The following ABHD2 variants were observed in gnomAD, a reference collection of about 807,000 sequenced individuals.
The protein encoded by ABHD2 is abhydrolase domain containing 2, acylglycerol lipase, also known as monoacylglycerol lipase ABHD2.
A neutral mutation model predicts 48.1 loss-of-function variants in ABHD2; 20 were observed. That is an observed-to-expected ratio of 0.42 (90% CI 0.29 to 0.60). ABHD2 has a LOEUF of 0.60. Ranked by LOEUF, ABHD2 falls within the 20% of genes least tolerant of loss-of-function variation. The pLI is 0.24. For missense variants in ABHD2, 405 were observed against 550.9 expected (o/e 0.74, Z 2.65); for synonymous variants, 209 against 214.2 (o/e 0.98, Z 0.21).
intron 5 of ABHD2, among the ~76,000 whole-genome samples, chr15:89,161,968 GC>G (rs1409888195): frequency 5.9e-5 from 9 of 152,126 alleles, no homozygotes; most frequent in African/African-American, 2.2e-4. Context: ...CTGTTTTCTT[GC>G]TGTGGATTCA....
chr15:89,127,855 C>T (rs1289890268), intron 3 of ABHD2, among the ~76,000 whole-genome samples: 4 of 151,950 alleles, frequency 2.6e-5, no homozygotes, highest in Admixed American at 2.0e-4. Flanking sequence ...CTTTTTCTCA[C>T]ATTTCCACCT....
At chr15:89,130,410 G>T (rs1280234969) in intron 3 of ABHD2, among the ~76,000 whole-genome samples, 1 of 152,158 alleles carries the variant, frequency 6.6e-6, no homozygotes, top group Non-Finnish European at 1.5e-5. Flanking sequence ...GGCTGCTACC[G>T]GAAATGGCAC....
chr15:89,147,528 T>A (rs2050514528), intron 3 of ABHD2, among the ~76,000 whole-genome samples: 1 of 151,372 alleles, frequency 6.6e-6, no homozygotes, highest in Non-Finnish European at 1.5e-5. Flanking sequence ...TAATTTTTTG[T>A]ATTTTCAGTA....
intron 3 of ABHD2, among the ~76,000 whole-genome samples, chr15:89,129,383 C>G (rs1193663299): frequency 2.6e-5 from 4 of 152,106 alleles, no homozygotes; most frequent in Non-Finnish European, 1.5e-5. Flanking sequence ...AGAATGAGGG[C>G]TGACCAAAGG....
chr15:89,158,056 T>G (rs2050703005), intron 5 of ABHD2, among the ~76,000 whole-genome samples: 1 of 152,034 alleles, frequency 6.6e-6, no homozygotes, highest in Admixed American at 6.5e-5. Flanking sequence ...AGGCATGGCT[T>G]GGCTGCAGGG....
At chr15:89,041,689 G>A in the ABHD2 span, among the ~76,000 whole-genome samples, 1 of 152,354 alleles carries the variant, frequency 6.6e-6, no homozygotes, top group East Asian at 1.9e-4. Flanking sequence ...GCAGAGTTGA[G>A]GCAAGGCGCA....
chr15:89,145,783 G>C (rs569474320), intron 3 of ABHD2, among the ~76,000 whole-genome samples: 1 of 152,258 alleles, frequency 6.6e-6, no homozygotes, highest in African/African-American at 2.4e-5. Context: ...AGTAGGGTGG[G>C]GGGACACTGG....
chr15:89,074,328 A>G, the ABHD2 span, among the ~76,000 whole-genome samples: 19 of 152,106 alleles, frequency 1.2e-4, no homozygotes, highest in East Asian at 1.7e-3. Context: ...GTGAGCAGAG[A>G]TCATGACACT....
rs986426857 is a variant in ABHD2 at position 89,120,442 on chromosome 15, G to T, written c.194+3921G>T. ...CATATTCATTTTTTTAAATGGAAAA[G>T]GTAGAGCACACAAAAATTATCTATA... On this transcript the variant is annotated intron_variant, in intron 3 of 10. Coordinates refer to ENST00000352732, the MANE Select transcript of ABHD2 (RefSeq NM_152924.5). This position sits in a 1 kb window ranked among gnomAD's most constrained non-coding sequence, Gnocchi z 4.2. Among the ~76,000 whole-genome samples the T allele has an allele frequency of 6.6e-6, 1 of 151,942 alleles. No individual in the cohort carries two copies. The highest frequency in any genetic ancestry group is 1.5e-5 in the Non-Finnish European group (1 of 67,988).
At chr15:89,118,249 T>C (rs1220257186) in intron 3 of ABHD2, among the ~76,000 whole-genome samples, 1 of 152,108 alleles carries the variant, frequency 6.6e-6, no homozygotes, top group Non-Finnish European at 1.5e-5. Flanking sequence ...AGTAGCATGA[T>C]CTCAGCTCAC....
At chr15:89,059,285 A>G in the ABHD2 span, among the ~76,000 whole-genome samples, 7 of 152,262 alleles carry the variant, frequency 4.6e-5, no homozygotes, top group African/African-American at 1.7e-4. Context: ...ACCCACTCAC[A>G]TCCTCACAAA....
chr15:89,090,079 G>A (rs1901533568), intron 1 of ABHD2, among the ~76,000 whole-genome samples: 1 of 152,102 alleles, frequency 6.6e-6, no homozygotes, highest in South Asian at 2.1e-4. Flanking sequence ...TTTAGATCTA[G>A]CCAGTGCATG....
chr15:89,150,836 A>G (rs2050578727), intron 3 of ABHD2, among the ~76,000 whole-genome samples: 1 of 152,266 alleles, frequency 6.6e-6, no homozygotes, highest in Non-Finnish European at 1.5e-5. Context: ...AGCTTGGGCT[A>G]AAAGCCATGG....
chr15:89,066,695 C>T, the ABHD2 span, among the ~76,000 whole-genome samples: 1 of 152,148 alleles, frequency 6.6e-6, no homozygotes, highest in African/African-American at 2.4e-5. Context: ...GGTCTTAAGC[C>T]ACAGCAGGAG....
Position 89,091,842 on chromosome 15 carries a change from G to A in ABHD2, c.-107+3279G>A, listed in dbSNP as rs1567063178. The stretch of plus-strand genomic sequence containing the variant: ...AGAGTATAGATGATGTGGGGCATGA[G>A]TTGCTTTAGCCTTTCTGTTTCATCT... On this transcript the variant is annotated intron_variant, in intron 1 of 10. Transcript: ENST00000352732. The surrounding 1 kb of genome is among the most constrained non-coding windows in gnomAD (Gnocchi z 5.5). Among the ~76,000 whole-genome samples, 1 of 152,194 alleles carries A rather than the reference G, an allele frequency of 6.6e-6. No homozygotes were observed. Among genetic ancestry groups the A allele is most frequent in the Non-Finnish European group, 1.5e-5 (1 of 68,026 alleles).
At chr15:89,074,122 C>T in the ABHD2 span, among the ~76,000 whole-genome samples, 2 of 152,242 alleles carry the variant, frequency 1.3e-5, no homozygotes, top group African/African-American at 4.8e-5. Context: ...GCCTGTAATC[C>T]CAGCACTTTG....
chr15:89,161,758 T>C (rs1309755013), intron 5 of ABHD2, among the ~76,000 whole-genome samples: 2 of 152,232 alleles, frequency 1.3e-5, no homozygotes, highest in Non-Finnish European at 2.9e-5. Flanking sequence ...CTGTGACTAT[T>C]TCCAGTGTGC....
intron 5 of ABHD2, among the ~76,000 whole-genome samples, chr15:89,165,898 C>T (rs543574866): frequency 6.6e-6 from 1 of 152,344 alleles, no homozygotes; most frequent in African/African-American, 2.4e-5. Flanking sequence ...TCTTCTGTCT[C>T]TCTTTGGCCG....
Position 89,116,258 on chromosome 15 carries a change from G to C in ABHD2, c.-6-64G>C. ...TCTCTTAGCCCACCATGCGTCTGTA[G>C]GGTGGTGGGCACCACCCGTCCTCAC... On this transcript the variant is annotated intron_variant, in intron 2 of 10. Coordinates refer to ENST00000352732, the MANE Select transcript of ABHD2 (RefSeq NM_152924.5). This position sits in a 1 kb window ranked among gnomAD's most constrained non-coding sequence, Gnocchi z 4.6. The C allele has an allele frequency of 6.8e-7, 1 of 1,474,512 alleles. No homozygotes were observed. The highest frequency in any genetic ancestry group is 9.3e-7 in the Non-Finnish European group (1 of 1,078,370). 91.3% of individuals were successfully genotyped at this position (1,474,512 alleles called of 1,614,324 possible).
Sources: allele counts gnomAD v4.1 joint callset (sites outside exome capture counted in the v4.1 genomes callset), GRCh38; gene constraint gnomAD v4.1.1; non-coding constraint Gnocchi (gnomAD v3.1); transcripts MANE v1.5; gene names NCBI Gene and HGNC (gene_info 2026-07-23, HGNC 2026-07-21).